Variants in CPNE4 observed in about 807,000 individuals in gnomAD.
CPNE4 encodes copine 4, also known as copine-4.
In CPNE4, 25 loss-of-function variants were observed where a neutral mutation model predicts 67.9. The ratio of observed to expected loss-of-function variants is 0.37; its 90% CI spans 0.27 to 0.51. CPNE4 has a LOEUF of 0.51. CPNE4 is among the 20% of genes least tolerant of loss of function. The probability of loss-of-function intolerance (pLI) is 0.93; values close to 1 mark genes in which losing one functional copy is unlikely to be tolerated. For synonymous variants in CPNE4, 242 were observed against 244.9 expected, an observed-to-expected ratio of 0.99 and a Z score of 0.11; for missense variants, 464 against 690.8, an observed-to-expected ratio of 0.67 and a Z score of 3.68.
chr3:131,621,244 C>T (rs1041832184), intron 7 of CPNE4, among the ~76,000 whole-genome samples: 2 of 152,044 alleles, frequency 1.3e-5, no homozygotes, highest in African/African-American at 4.8e-5. Flanking sequence ...TGGTCATTTA[C>T]TCTTTTTTTA....
chr3:131,967,775 T>C (rs2072393147), intron 1 of CPNE4, among the ~76,000 whole-genome samples: 1 of 152,188 alleles, frequency 6.6e-6, no homozygotes, highest in South Asian at 2.1e-4. Flanking sequence ...AAAATGGCCA[T>C]ATTGCCCAAA....
intron 2 of CPNE4, among the ~76,000 whole-genome samples, chr3:131,903,189 A>G (rs2088615823): frequency 6.6e-6 from 1 of 152,124 alleles, no homozygotes; most frequent in South Asian, 2.1e-4. Context: ...ACAGGTGAGC[A>G]TAGTATTGAA....
chr3:131,952,259 C>T (rs186323116), intron 1 of CPNE4, among the ~76,000 whole-genome samples: 7 of 151,698 alleles, frequency 4.6e-5, no homozygotes, highest in East Asian at 4.0e-4. Context: ...GCCGCGAACC[C>T]GTATGGGAGG....
chr3:131,554,007 A>G (rs1031164196), intron 12 of CPNE4, among the ~76,000 whole-genome samples: 1 of 152,094 alleles, frequency 6.6e-6, no homozygotes, highest in Non-Finnish European at 1.5e-5. Context: ...ACAGCAAGAA[A>G]GATTAGTTAC....
Position 131,668,121 on chromosome 3 carries a change from G to C in CPNE4, c.681+1554C>G, listed in dbSNP as rs7629709. On this transcript the variant is annotated intron_variant, in intron 7 of 15. Coordinates refer to ENST00000429747, the MANE Select transcript of CPNE4 (RefSeq NM_130808.3). Reference sequence around the variant, plus strand: ...ACAGAGATACCAGGTGCAACTCTGAGTTGCTCCTCAAGAACATGGAAGTGA... The same window carrying C: ...ACAGAGATACCAGGTGCAACTCTGACTTGCTCCTCAAGAACATGGAAGTGA... Among the ~76,000 whole-genome samples the C allele has an allele frequency of 9.2e-3, 1,399 of 152,260 alleles. 25 individuals carry two copies. The highest frequency in any genetic ancestry group is 0.032 in the African/African-American group (1,325 of 41,548).
At chr3:131,672,994 C>T (rs1275564187) in intron 6 of CPNE4, among the ~76,000 whole-genome samples, 1 of 152,002 alleles carries the variant, frequency 6.6e-6, no homozygotes, top group African/African-American at 2.4e-5. Flanking sequence ...TGTCTTTAAT[C>T]CATTTTGATT....
intron 1 of CPNE4, among the ~76,000 whole-genome samples, chr3:131,982,980 G>C (rs2072947128): frequency 6.6e-6 from 1 of 151,892 alleles, no homozygotes; most frequent in Non-Finnish European, 1.5e-5. Context: ...AAAAAGATGA[G>C]ACAATTATCT....
chr3:131,859,291 A>T (rs1280322687), intron 2 of CPNE4, among the ~76,000 whole-genome samples: 1 of 152,108 alleles, frequency 6.6e-6, no homozygotes, highest in Non-Finnish European at 1.5e-5. Flanking sequence ...GCTCCCCAAG[A>T]TAGCCAGCCA....
At chr3:131,573,320 T>G (rs1937428228) in intron 10 of CPNE4, among the ~76,000 whole-genome samples, 1 of 152,046 alleles carries the variant, frequency 6.6e-6, no homozygotes, top group Non-Finnish European at 1.5e-5. Flanking sequence ...CATGGGGAGC[T>G]GCAACTGGGG....
intron 1 of CPNE4, among the ~76,000 whole-genome samples, chr3:131,920,384 G>A (rs919368760): frequency 6.6e-6 from 1 of 152,032 alleles, no homozygotes; most frequent in Non-Finnish European, 1.5e-5. Context: ...CTTAATTTGT[G>A]TTCCTACAGT....
intron 2 of CPNE4, among the ~76,000 whole-genome samples, chr3:131,814,087 G>A (rs1446764091): frequency 6.6e-6 from 1 of 152,126 alleles, no homozygotes; most frequent in African/African-American, 2.4e-5. Context: ...AGACTGCTGA[G>A]TGTAACATAG....
intron 1 of CPNE4, among the ~76,000 whole-genome samples, chr3:131,979,634 T>C (rs2072852871): frequency 1.3e-5 from 2 of 152,202 alleles, no homozygotes; most frequent in African/African-American, 2.4e-5. Context: ...TTTTATCCAT[T>C]CTGCAGCTCT....
chr3:131,730,922 A>G (rs1048138612), intron 2 of CPNE4, among the ~76,000 whole-genome samples: 2 of 152,312 alleles, frequency 1.3e-5, no homozygotes, highest in African/African-American at 2.4e-5. Context: ...GTACTTTGCT[A>G]TGGCAACCCT....
At chr3:131,715,489 G>A (rs1049448353) in intron 3 of CPNE4, among the ~76,000 whole-genome samples, 5 of 152,182 alleles carry the variant, frequency 3.3e-5, no homozygotes, top group Admixed American at 2.0e-4. Context: ...GAGCTAAAGA[G>A]ATCGACAACT....
In CPNE4 at chr3:132,031,567, A is replaced by C. The variant is rs77394684; in HGVS notation, c.-2+3000T>G. 4.6e-3 allele frequency among the ~76,000 whole-genome samples: 695 copies of C among 152,312 alleles called. 5 individuals carry two copies. The highest frequency in any genetic ancestry group is 0.016 in the African/African-American group (662 of 41,572). On this transcript the variant is annotated intron_variant, in intron 1 of 15. Transcript: ENST00000429747. ...TTTGTTCTGGATTCAGACCACTCTG[A>C]AAATGTGTGGTATTGATTACACACA...
At chr3:131,904,490 A>T (rs962065211) in intron 2 of CPNE4, among the ~76,000 whole-genome samples, 2 of 152,076 alleles carry the variant, frequency 1.3e-5, no homozygotes, top group Non-Finnish European at 2.9e-5. Context: ...TTGGGTCCAC[A>T]ACAAGAGTTT....
At chr3:131,717,870 T>C (rs58765139) in intron 3 of CPNE4, among the ~76,000 whole-genome samples, 59,631 of 86,402 alleles carry the variant, frequency 0.69, 18,287 homozygotes, top group Non-Finnish European at 0.72. Flanking sequence ...CCTTTCTTTC[T>C]TTCTTTTCTT....
rs567832425 is a variant in CPNE4 at position 131,975,955 on chromosome 3, G to A, written c.-2+58612C>T. Among the ~76,000 whole-genome samples the A allele has an allele frequency of 4.6e-5, 7 of 151,594 alleles. No homozygotes were observed. The East Asian group carries it at 9.7e-4, about 21-fold the overall frequency. Reference sequence around the variant, plus strand: ...ATTTAAATGTCCTCTGATACGGTGCGGTAAAATAGATAACATATCCATACT... The same window carrying A: ...ATTTAAATGTCCTCTGATACGGTGCAGTAAAATAGATAACATATCCATACT... On this transcript the variant is annotated intron_variant, in intron 1 of 15. Coordinates refer to ENST00000429747, the MANE Select transcript of CPNE4 (RefSeq NM_130808.3).
At chr3:131,657,960 A>T (rs940453034) in intron 7 of CPNE4, among the ~76,000 whole-genome samples, 1 of 151,652 alleles carries the variant, frequency 6.6e-6, no homozygotes, top group African/African-American at 2.4e-5. Context: ...CAGAGTAAAC[A>T]CTCTCCAGAC....
Sources: gnomAD v4.1 joint callset for allele counts (sites outside exome capture counted in the v4.1 genomes callset) on GRCh38, gnomAD v4.1.1 for gene constraint, MANE v1.5 for transcripts, NCBI Gene and HGNC (gene_info 2026-07-23, HGNC 2026-07-21) for gene names.